PTGER3: variants seen among roughly 807,000 people sequenced by gnomAD.
PTGER3 encodes the protein prostaglandin E2 receptor EP3 subtype.
A neutral mutation model predicts 34.7 loss-of-function variants in PTGER3; 22 were observed. The observed-to-expected ratio is 0.63, with a 90% CI of 0.45 to 0.91. The LOEUF is 0.91. Among genes scored for constraint, PTGER3 ranks in the 40% least tolerant of loss-of-function variants. The pLI is 0.00. For synonymous variants in PTGER3, 241 were observed against 230.1 expected, an observed-to-expected ratio of 1.05 and a Z score of -0.43; for missense variants, 468 against 519.4, an observed-to-expected ratio of 0.90 and a Z score of 0.96.
At chr1:70,878,047 G>C (rs1483925415) in intron 4 of PTGER3, among the ~76,000 whole-genome samples, 1 of 152,044 alleles carries the variant, frequency 6.6e-6, no homozygotes, top group Admixed American at 6.6e-5. Flanking sequence ...ACAAACCTAT[G>C]GATGTCATAG....
chr1:70,989,633 G>A (rs1330260333), intron 2 of PTGER3, among the ~76,000 whole-genome samples: 1 of 152,188 alleles, frequency 6.6e-6, no homozygotes, highest in African/African-American at 2.4e-5. Flanking sequence ...GACTGAGACT[G>A]AAAATAAAAA....
intron 4 of PTGER3, among the ~76,000 whole-genome samples, chr1:70,875,017 C>T (rs1646244967): frequency 6.6e-6 from 1 of 152,188 alleles, no homozygotes; most frequent in African/African-American, 2.4e-5. Context: ...AATGCAGTGA[C>T]ATTTCACCAG....
chr1:70,935,734 C>T (rs560375165), intron 4 of PTGER3, among the ~76,000 whole-genome samples: 2 of 147,914 alleles, frequency 1.4e-5, no homozygotes, highest in African/African-American at 5.1e-5. Context: ...AATGTGCATG[C>T]AAAGATATTC....
At chr1:70,869,140 G>A (rs962839678) in intron 4 of PTGER3, 5 of 364,574 alleles carry the variant, frequency 1.4e-5, no homozygotes, top group African/African-American at 1.1e-4. Context: ...CAAAACAGAA[G>A]GCACTTCATA....
intron 2 of PTGER3, among the ~76,000 whole-genome samples, chr1:70,983,593 A>G (rs1397810768): frequency 6.6e-6 from 1 of 152,188 alleles, no homozygotes; most frequent in Non-Finnish European, 1.5e-5. Flanking sequence ...GACACTAGTT[A>G]TGATTTGCTG....
chr1:70,946,621 C>T (rs1650251229), intron 4 of PTGER3, among the ~76,000 whole-genome samples: 1 of 152,166 alleles, frequency 6.6e-6, no homozygotes, highest in Non-Finnish European at 1.5e-5. Context: ...TAGTCCGTTG[C>T]TGTAAAGCTG....
downstream of PTGER3, among the ~76,000 whole-genome samples, chr1:70,948,590 A>G (rs2100573238): frequency 6.6e-6 from 1 of 152,314 alleles, no homozygotes; most frequent in South Asian, 2.1e-4. Context: ...GGGGAGAGGC[A>G]TAATCTAATC....
chr1:71,034,060 G>GT (rs1659621027), intron 1 of PTGER3, among the ~76,000 whole-genome samples: 1 of 152,076 alleles, frequency 6.6e-6, no homozygotes, highest in South Asian at 2.1e-4. Context: ...TGATGTGTCT[G>GT]TATCTGGATT....
chr1:70,892,029 C>A (rs959694391), intron 4 of PTGER3, among the ~76,000 whole-genome samples: 1 of 152,176 alleles, frequency 6.6e-6, no homozygotes, highest in African/African-American at 2.4e-5. Flanking sequence ...GTTGAAAGGG[C>A]TTCCTAGACC....
chr1:70,852,870 A>G, intron 4 of PTGER3: 4 of 1,612,806 alleles, frequency 2.5e-6, no homozygotes, highest in Non-Finnish European at 3.4e-6. Flanking sequence ...CTGGAAAACA[A>G]ACAAATCAAT....
intron 4 of PTGER3, among the ~76,000 whole-genome samples, chr1:70,875,417 AGGCCTGT>A (rs1486060265): frequency 6.6e-6 from 1 of 152,190 alleles, no homozygotes; most frequent in Non-Finnish European, 1.5e-5. Flanking sequence ...ACTGTAAAAA[AGGCCTGT>A]GTCCTTGTTT....
chr1:70,974,329 G>T lies in PTGER3; in HGVS notation c.1137C>A (p.Ser379=), dbSNP rs764175475. 1.2e-5 allele frequency: 18 copies of T among 1,519,044 alleles called. No individual in the cohort carries two copies. In the South Asian group the frequency reaches 1.9e-4, roughly 16 times the overall value. 94.1% of individuals were successfully genotyped at this position (1,519,044 alleles called of 1,614,324 possible). A position where few individuals can be genotyped will look rare whatever the true frequency, so the allele number is the denominator to read the frequency against. Residue 379 remains serine, a synonymous_variant, in exon 3 of 4, where the codon TCC becomes TCA. Transcript: ENST00000306666. The part of the protein sequence containing the change: ...SSSTSLPCQC[S]STLMWSDHLE... ...AATGGTCGCTCCACATCAAGGTTGA[G>T]GAACACTGGCAGGGTAAGGAGGTGG...
intron 4 of PTGER3, among the ~76,000 whole-genome samples, chr1:70,858,420 C>T (rs879075881): frequency 6.6e-6 from 1 of 152,052 alleles, no homozygotes; most frequent in Non-Finnish European, 1.5e-5. Context: ...CTGAAAACCT[C>T]GTTTCTGTTG....
chr1:70,868,590 A>G (rs1409985), intron 4 of PTGER3, among the ~76,000 whole-genome samples: 2 of 151,942 alleles, frequency 1.3e-5, no homozygotes, highest in African/African-American at 4.8e-5. Context: ...TGGATAATAA[A>G]GCCTTATCTC....
intron 4 of PTGER3, among the ~76,000 whole-genome samples, chr1:70,929,460 G>A (rs1648483057): frequency 1.3e-5 from 2 of 152,144 alleles, no homozygotes; most frequent in Non-Finnish European, 2.9e-5. Flanking sequence ...GAAACACTTA[G>A]TAAAATATTG....
chr1:70,949,493 AGT>A (rs1452011446), downstream of PTGER3, among the ~76,000 whole-genome samples: 1 of 152,194 alleles, frequency 6.6e-6, no homozygotes, highest in Non-Finnish European at 1.5e-5. Flanking sequence ...AGTTCAAAAG[AGT>A]ACAGTTCAAG....
chr1:70,990,386 C>CACACACACACATAT (rs1206925417), intron 2 of PTGER3, among the ~76,000 whole-genome samples: 1 of 131,402 alleles, frequency 7.6e-6, no homozygotes, highest in Non-Finnish European at 1.6e-5. Flanking sequence ...CACACACACA[C>CACACACACACATAT]ATATATATAT....
intron 4 of PTGER3, among the ~76,000 whole-genome samples, chr1:70,864,871 TTGGTTGCTTTTTCCTAACTCCTAA>T (rs1280184803): frequency 6.6e-6 from 1 of 152,196 alleles, no homozygotes; most frequent in African/African-American, 2.4e-5. Context: ...GAGCTGGGAT[TTGGTTGCTTTTTCCTAACTCCTAA>T]GCTATATTGC....
intron 4 of PTGER3, among the ~76,000 whole-genome samples, chr1:70,913,458 A>G (rs1182352264): frequency 1.3e-5 from 2 of 151,906 alleles, no homozygotes; most frequent in Non-Finnish European, 2.9e-5. Flanking sequence ...TCGTTTTTAA[A>G]TGCCTGATCT....
Sources: gnomAD v4.1 joint callset for allele counts (sites outside exome capture counted in the v4.1 genomes callset) on GRCh38, gnomAD v4.1.1 for gene constraint, MANE v1.5 for transcripts, NCBI Gene and HGNC (gene_info 2026-07-23, HGNC 2026-07-21) for gene names.